Variants in ELF1 observed in about 807,000 individuals in gnomAD.
ELF1 encodes E74 like ETS transcription factor 1.
Under a neutral mutation model 59.9 loss-of-function variants are expected in ELF1, and 24 were observed. The ratio of observed to expected loss-of-function variants is 0.40; its 90% CI spans 0.29 to 0.56. The LOEUF (loss-of-function observed/expected upper bound fraction) is 0.56. Among genes scored for constraint, ELF1 ranks in the 20% least tolerant of loss-of-function variants. The probability of loss-of-function intolerance (pLI) is 0.44; values close to 1 mark genes in which losing one functional copy is unlikely to be tolerated. For missense variants in ELF1, 627 were observed against 742.2 expected, an observed-to-expected ratio of 0.84 and a Z score of 1.80; for synonymous variants, 248 against 266.2, an observed-to-expected ratio of 0.93 and a Z score of 0.67.
At chr13:41,004,902 G>A (rs901545744) in intron 1 of ELF1, among the ~76,000 whole-genome samples, 7 of 151,954 alleles carry the variant, frequency 4.6e-5, no homozygotes, top group South Asian at 4.2e-4. Context: ...AGCCTACAAC[G>A]TCCCTCGAAT....
intron 1 of ELF1, among the ~76,000 whole-genome samples, chr13:40,985,062 C>T (rs781779427): frequency 2.6e-5 from 4 of 152,202 alleles, no homozygotes; most frequent in Non-Finnish European, 5.9e-5. Context: ...GACACTTTTG[C>T]TCTGGCATGT....
chr13:40,991,134 T>A (rs1481787053), intron 1 of ELF1, among the ~76,000 whole-genome samples: 1 of 152,190 alleles, frequency 6.6e-6, no homozygotes, highest in Admixed American at 6.5e-5. Flanking sequence ...ACCAGTTTAT[T>A]TCTCAAAACT....
Position 40,982,520 on chromosome 13 carries a change from A to G in ELF1, c.-228-238T>C, listed in dbSNP as rs959569367. ...ATTATGCCTCTCTCCCCCACTCTCC[A>G]GTTAAACTACTGTTAAAAGTACTCA... is the stretch of plus-strand genomic sequence containing the variant. On this transcript the variant is annotated intron_variant, in intron 1 of 8. Coordinates refer to ENST00000239882, the MANE Select transcript of ELF1 (RefSeq NM_172373.4). 5.3e-5 allele frequency among the ~76,000 whole-genome samples: 8 copies of G among 151,240 alleles called. No individual in the cohort carries two copies. The East Asian group carries it at 1.5e-3, about 29-fold the overall frequency.
At chr13:41,043,004 T>C (rs1876685766) in intron 1 of ELF1, among the ~76,000 whole-genome samples, 1 of 152,222 alleles carries the variant, frequency 6.6e-6, no homozygotes, top group African/African-American at 2.4e-5. Flanking sequence ...TTCTAACTGG[T>C]GTAAGATGGT....
intron 1 of ELF1, chr13:40,993,159 G>A: frequency 6.6e-7 from 1 of 1,519,092 alleles, no homozygotes. Flanking sequence ...CTCCATTTTT[G>A]TAGTGTGTGT....
chr13:41,040,271 G>T (rs1261106079), intron 1 of ELF1, among the ~76,000 whole-genome samples: 1 of 152,146 alleles, frequency 6.6e-6, no homozygotes. Context: ...AAACGTCACA[G>T]AAACTATATC....
At chr13:40,992,426 T>C (rs1873902394) in intron 1 of ELF1, among the ~76,000 whole-genome samples, 1 of 152,230 alleles carries the variant, frequency 6.6e-6, no homozygotes, top group African/African-American at 2.4e-5. Flanking sequence ...TTTATTATTC[T>C]AAAATGTTTA....
chr13:40,978,146 G>A (rs953372026), intron 2 of ELF1, among the ~76,000 whole-genome samples: 1 of 152,118 alleles, frequency 6.6e-6, no homozygotes, highest in Non-Finnish European at 1.5e-5. Flanking sequence ...TTGGGAGGCC[G>A]AGGCAGGCAG....
chr13:41,054,075 C>T lies in ELF1; in HGVS notation c.-229+6763G>A, dbSNP rs527259827. Among the ~76,000 whole-genome samples, 169 of 152,182 alleles carry T rather than the reference C, an allele frequency of 1.1e-3. 1 individual carries two copies. Among genetic ancestry groups the T allele is most frequent in the African/African-American group, 4.0e-3 (167 of 41,516 alleles). On this transcript the variant is annotated intron_variant, in intron 1 of 1. Transcript: ENST00000405737. The stretch of plus-strand genomic sequence containing the variant: ...AATGGGATGAAAAAAATCAGTACAA[C>T]AAAAGGGATAAATGACCATTTCACA...
chr13:40,986,291 G>A (rs1261004121), intron 1 of ELF1, among the ~76,000 whole-genome samples: 1 of 152,166 alleles, frequency 6.6e-6, no homozygotes, highest in Non-Finnish European at 1.5e-5. Context: ...CATAAAATAG[G>A]TGTCAGTCTC....
At chr13:40,951,503 C>A in intron 3 of ELF1, 67 bp from the exon 4 acceptor site, 1 of 1,225,844 alleles carries the variant, frequency 8.2e-7, no homozygotes, top group Non-Finnish European at 1.2e-6. Context: ...AGTCATACAC[C>A]GCTTATCTCT....
intron 1 of ELF1, among the ~76,000 whole-genome samples, chr13:41,032,767 C>T (rs1180289758): frequency 6.6e-6 from 1 of 151,686 alleles, no homozygotes; most frequent in Non-Finnish European, 1.5e-5. Flanking sequence ...GAAGATTCTC[C>T]TGAGCCCAGG....
At chr13:40,939,583 A>C (rs1040594900) in intron 8 of ELF1, among the ~76,000 whole-genome samples, 17 of 152,194 alleles carry the variant, frequency 1.1e-4, no homozygotes, top group Admixed American at 8.5e-4. Flanking sequence ...CACAGGGCCT[A>C]GGGAAATATA....
intron 2 of ELF1, among the ~76,000 whole-genome samples, chr13:40,969,519 C>T (rs79970816): frequency 6.6e-6 from 1 of 152,284 alleles, no homozygotes; most frequent in South Asian, 2.1e-4. Flanking sequence ...ATGCATATCA[C>T]GTGCAGGGCC....
At chr13:40,954,861 G>C (rs1459005040) in intron 3 of ELF1, among the ~76,000 whole-genome samples, 1 of 141,702 alleles carries the variant, frequency 7.1e-6, no homozygotes, top group South Asian at 2.4e-4. Flanking sequence ...GCCTCTGCCC[G>C]GCCGCCACCC....
chr13:40,970,179 A>G (rs1170315090), intron 2 of ELF1, among the ~76,000 whole-genome samples: 1 of 152,260 alleles, frequency 6.6e-6, no homozygotes, highest in Non-Finnish European at 1.5e-5. Context: ...TGTCGTCAAG[A>G]TTAATGAGGA....
intron 1 of ELF1, among the ~76,000 whole-genome samples, chr13:41,006,676 G>A (rs757649859): frequency 3.4e-4 from 52 of 152,232 alleles, no homozygotes; most frequent in Non-Finnish European, 5.3e-4. Context: ...GATCAGGCAC[G>A]ATGTCTAGTT....
intron 2 of ELF1, among the ~76,000 whole-genome samples, chr13:40,981,736 A>C (rs1873282996): frequency 6.6e-6 from 1 of 152,120 alleles, no homozygotes; most frequent in South Asian, 2.1e-4. Flanking sequence ...CTCATTTTAC[A>C]AAAAAACAAG....
At chr13:40,958,500 G>C (rs147116379) in intron 3 of ELF1, among the ~76,000 whole-genome samples, 2 of 151,644 alleles carry the variant, frequency 1.3e-5, no homozygotes, top group African/African-American at 4.9e-5. Context: ...CCAAGTCTAG[G>C]CTGGGCAATA....
Sources: allele counts gnomAD v4.1 joint callset (sites outside exome capture counted in the v4.1 genomes callset), GRCh38; gene constraint gnomAD v4.1.1; transcripts MANE v1.5; gene names NCBI Gene and HGNC (gene_info 2026-07-23, HGNC 2026-07-21).